The following EPB41L2 variants were observed in gnomAD, a reference collection of about 807,000 sequenced individuals.
EPB41L2 encodes band 4.1-like protein 2.
In EPB41L2, 43 loss-of-function variants were observed where a neutral mutation model predicts 113.0. The observed-to-expected ratio is 0.38, with a 90% CI of 0.30 to 0.49. EPB41L2 has a LOEUF of 0.49. EPB41L2 is among the 20% of genes least tolerant of loss of function. The probability of loss-of-function intolerance (pLI) is 0.95; values close to 1 mark genes in which losing one functional copy is unlikely to be tolerated. For missense variants in EPB41L2, 1,147 were observed against 1,223.4 expected, an observed-to-expected ratio of 0.94 and a Z score of 0.93; for synonymous variants, 442 against 436.7, an observed-to-expected ratio of 1.01 and a Z score of -0.15.
At chr6:130,944,162 T>TACACACAC (rs537919934) in intron 3 of EPB41L2, among the ~76,000 whole-genome samples, 6,147 of 132,690 alleles carry the variant, frequency 0.046, 215 homozygotes, top group East Asian at 0.13. Context: ...TATACGTACA[T>TACACACAC]ACACACACAT....
Position 130,896,622 on chromosome 6 carries a change from T to G in EPB41L2, c.1237-1503A>C, listed in dbSNP as rs370075745. Among the ~76,000 whole-genome samples the G allele has an allele frequency of 7.2e-5, 11 of 152,396 alleles. No individual in the cohort carries two copies. The South Asian group carries it at 2.3e-3, about 32-fold the overall frequency. On this transcript the variant is annotated intron_variant, in intron 8 of 19. Coordinates refer to ENST00000337057, the MANE Select transcript of EPB41L2 (RefSeq NM_001431.4). ...ACAACGCAGATTCAAGTAAATCAGT[T>G]GATTTTTGTTGTTCTATGTAATTAT...
At chr6:130,908,417 C>G (rs1798354790) in intron 5 of EPB41L2, among the ~76,000 whole-genome samples, 1 of 152,146 alleles carries the variant, frequency 6.6e-6, no homozygotes, top group African/African-American at 2.4e-5. Flanking sequence ...AACAGTGTCT[C>G]TATGTCTCTG....
intron 4 of EPB41L2, among the ~76,000 whole-genome samples, chr6:130,924,337 TTATTTTG>T (rs1803895718): frequency 6.6e-6 from 1 of 152,156 alleles, no homozygotes; most frequent in African/African-American, 2.4e-5. Flanking sequence ...TTGCTTTCAA[TTATTTTG>T]TATATATACT....
intron 3 of EPB41L2, 33 bp downstream of exon 3, chr6:130,955,072 T>C: frequency 6.3e-7 from 1 of 1,581,944 alleles, no homozygotes; most frequent in Non-Finnish European, 8.7e-7. Context: ...AATCCACATA[T>C]CAAGCTAGCT....
intron 1 of EPB41L2, among the ~76,000 whole-genome samples, chr6:131,040,114 T>A (rs1305449977): frequency 6.6e-6 from 1 of 152,202 alleles, no homozygotes; most frequent in Non-Finnish European, 1.5e-5. Flanking sequence ...GTGAATGGGT[T>A]TACCCCTACT....
At chr6:130,981,208 T>G (rs1419299420) in intron 1 of EPB41L2, among the ~76,000 whole-genome samples, 1 of 152,200 alleles carries the variant, frequency 6.6e-6, no homozygotes, top group Non-Finnish European at 1.5e-5. Context: ...TGTAAATCAA[T>G]ATCTATTAAA....
At chr6:131,017,351 GA>G (rs1468609051) in intron 1 of EPB41L2, among the ~76,000 whole-genome samples, 1 of 152,114 alleles carries the variant, frequency 6.6e-6, no homozygotes, top group African/African-American at 2.4e-5. Flanking sequence ...TAGGCTTCCA[GA>G]AAATTCACTG....
At chr6:130,918,523 T>C (rs1444568128) in intron 4 of EPB41L2, among the ~76,000 whole-genome samples, 3 of 152,310 alleles carry the variant, frequency 2.0e-5, no homozygotes, top group East Asian at 3.9e-4. Context: ...CACGTATTTT[T>C]AACAACATTT....
chr6:130,856,780 TAATA>T (rs370922807), intron 19 of EPB41L2, among the ~76,000 whole-genome samples: 25 of 152,376 alleles, frequency 1.6e-4, no homozygotes, highest in African/African-American at 5.3e-4. Flanking sequence ...CTTAAAGCCC[TAATA>T]GATAATTATA....
intron 1 of EPB41L2, among the ~76,000 whole-genome samples, chr6:131,028,203 G>A (rs1791296786): frequency 6.6e-6 from 1 of 152,144 alleles, no homozygotes; most frequent in Non-Finnish European, 1.5e-5. Context: ...ACTATTTCTG[G>A]AGTGGACAAA....
intron 1 of EPB41L2, chr6:131,013,589 T>C (rs1256488467): frequency 6.6e-6 from 1 of 152,214 alleles, no homozygotes; most frequent in Non-Finnish European, 1.5e-5. Context: ...TTAGAGTTGC[T>C]GTTTTTGCCT....
intron 4 of EPB41L2, among the ~76,000 whole-genome samples, chr6:130,923,040 C>T (rs1803405639): frequency 6.6e-6 from 1 of 152,166 alleles, no homozygotes; most frequent in Admixed American, 6.5e-5. Flanking sequence ...CCCTACCAAC[C>T]CCCCAGTCGA....
intron 1 of EPB41L2, among the ~76,000 whole-genome samples, chr6:131,038,520 G>A (rs1021812591): frequency 6.6e-6 from 1 of 151,980 alleles, no homozygotes; most frequent in African/African-American, 2.4e-5. Context: ...ATAAGTAATG[G>A]TCTACTTATA....
rs142288030 is a variant in EPB41L2, at chr6:131,057,682, A to G, written c.-15+5473T>C. Among the ~76,000 whole-genome samples the G allele has an allele frequency of 3.6e-3, 555 of 152,318 alleles. 2 individuals carry two copies. Among genetic ancestry groups the G allele is most frequent in the African/African-American group, 0.013 (537 of 41,572 alleles). ...ATATGACAAGCTTTTTAAAACCACA[A>G]TTATCCTGGAAAAAGGCAACTGAAG... On this transcript the variant is annotated intron_variant, in intron 1 of 19. Transcript: ENST00000337057.
chr6:130,861,099 A>G (rs1582774158), intron 18 of EPB41L2, among the ~76,000 whole-genome samples: 1 of 150,942 alleles, frequency 6.6e-6, no homozygotes, highest in Non-Finnish European at 1.5e-5. Context: ...TTGAGATGGA[A>G]TCTTGCTCTG....
At position 130,904,368 on chromosome 6, in the gene EPB41L2, T is replaced by G. The variant is rs931894483; in HGVS notation, c.929+97A>C. 8.1e-6 allele frequency: 6 copies of G among 739,006 alleles called. No homozygotes were observed. In the East Asian group the frequency reaches 1.7e-4, roughly 21 times the overall value. The allele number at this position is 739,006 out of a possible 1,614,324, so 45.8% of individuals were successfully genotyped here. On this transcript the variant is annotated intron_variant, in intron 6 of 19. Coordinates refer to ENST00000337057, the MANE Select transcript of EPB41L2 (RefSeq NM_001431.4). ...TTCTAAAACTTAAGAAAAACTGTTT[T>G]GGTTTTCAATCCTGAAATTACCACT...
intron 1 of EPB41L2, among the ~76,000 whole-genome samples, chr6:131,033,178 T>A (rs561390799): frequency 1.3e-5 from 2 of 150,462 alleles, no homozygotes; most frequent in Admixed American, 1.3e-4. Context: ...CTGGCCAGGA[T>A]GGCTATGATT....
rs547549888 is a variant in EPB41L2 at position 130,905,130 on chromosome 6, C to T, written c.854-590G>A. Among the ~76,000 whole-genome samples the T allele has an allele frequency of 6.6e-5, 10 of 152,086 alleles. No individual in the cohort carries two copies. The South Asian group carries it at 2.1e-3, about 32-fold the overall frequency. ...TTAGTAGAGTAGGTGTAAGTATATT[C>T]GTATATAACATACACTTGGCTGTAT... On this transcript the variant is annotated intron_variant, in intron 5 of 19. Coordinates refer to ENST00000337057, the MANE Select transcript of EPB41L2 (RefSeq NM_001431.4).
intron 4 of EPB41L2, among the ~76,000 whole-genome samples, chr6:130,911,094 T>A (rs1409353059): frequency 6.6e-6 from 1 of 152,198 alleles, no homozygotes; most frequent in Non-Finnish European, 1.5e-5. Flanking sequence ...ATTGCAGCAC[T>A]ATTCACAATA....
Sources: gnomAD v4.1 joint callset for allele counts (sites outside exome capture counted in the v4.1 genomes callset) on GRCh38, gnomAD v4.1.1 for gene constraint, MANE v1.5 for transcripts, NCBI Gene and HGNC (gene_info 2026-07-23, HGNC 2026-07-21) for gene names.